ABCC4: variants seen among roughly 807,000 people sequenced by gnomAD.
ABCC4 encodes ATP-binding cassette sub-family C member 4.
In ABCC4, 102 loss-of-function variants were observed where a neutral mutation model predicts 168.5. The ratio of observed to expected loss-of-function variants is 0.61; its 90% CI spans 0.52 to 0.71. The LOEUF (loss-of-function observed/expected upper bound fraction) is 0.71. Ranked by LOEUF, ABCC4 falls within the 30% of genes least tolerant of loss-of-function variation. ABCC4 has a pLI of 0.00. For synonymous variants in ABCC4, 617 were observed against 590.7 expected, an observed-to-expected ratio of 1.04 and a Z score of -0.65; for missense variants, 1,402 against 1,605.8, an observed-to-expected ratio of 0.87 and a Z score of 2.17.
chr13:95,202,407 C>T (rs61965926), intron 8 of ABCC4, among the ~76,000 whole-genome samples: 22,480 of 152,186 alleles, frequency 0.15, 2,232 homozygotes, highest in Non-Finnish European at 0.22. Context: ...CTAATACAGA[C>T]GGTTTTCTAA....
rs554477413 is a variant in ABCC4, at chr13:95,157,818, C to T, written c.2455+3371G>A. 2.9e-3 allele frequency among the ~76,000 whole-genome samples: 435 copies of T among 152,162 alleles called. 1 individual carries two copies. The highest frequency in any genetic ancestry group is 0.01 in the Middle Eastern group (3 of 294). On this transcript the variant is annotated intron_variant, in intron 19 of 30. Coordinates refer to ENST00000645237, the MANE Select transcript of ABCC4 (RefSeq NM_005845.5). The stretch of plus-strand genomic sequence containing the variant: ...GGGCGCGGTGGCTCACGCCTGTAAT[C>T]CCCACCACTTTGGGAGGTGGAAGCG...
At chr13:95,208,340 A>C (rs2038844078) in intron 6 of ABCC4, among the ~76,000 whole-genome samples, 1 of 114,580 alleles carries the variant, frequency 8.7e-6, no homozygotes, top group African/African-American at 3.7e-5. Context: ...GAGAGCAAAA[A>C]AAAAAAAAAA....
intron 3 of ABCC4, among the ~76,000 whole-genome samples, chr13:95,238,156 T>C (rs1296535819): frequency 7.7e-6 from 1 of 129,402 alleles, no homozygotes; most frequent in Non-Finnish European, 1.5e-5. Context: ...ATCGCGCCAC[T>C]GCACTCCAGC....
At chr13:95,120,833 T>C (rs891114667) in intron 19 of ABCC4, among the ~76,000 whole-genome samples, 1 of 152,168 alleles carries the variant, frequency 6.6e-6, no homozygotes, top group Admixed American at 6.5e-5. Flanking sequence ...TGGTGCCACA[T>C]GGCGGGGCAC....
At chr13:95,264,643 CT>C (rs1418288453) in intron 1 of ABCC4, among the ~76,000 whole-genome samples, 1 of 152,104 alleles carries the variant, frequency 6.6e-6, no homozygotes, top group African/African-American at 2.4e-5. Context: ...CAATAAAAGA[CT>C]GCAGAAGTGT....
rs1483632773 is a variant in ABCC4 at position 95,206,751 on chromosome 13, G to A, written c.942C>T (p.Ser314=). 6.2e-7 allele frequency: 1 copy of A among 1,614,042 alleles called. No individual in the cohort carries two copies. The highest frequency in any genetic ancestry group is 8.5e-7 in the Non-Finnish European group (1 of 1,179,960). Residue 314 remains serine (S), a synonymous_variant, in exon 8 of 31, where the codon TCC becomes TCT. Coordinates refer to ENST00000645237, the MANE Select transcript of ABCC4 (RefSeq NM_005845.5). ...AAGCCAAATTCATCCCTCTGAGGCA[G>A]GAACTTCTCAGAATCTTGGAAATCT... The part of the protein sequence containing the change: ...KKEISKILRS[S]CLRGMNLASF...
At chr13:95,215,938 A>C (rs1226991474) in intron 4 of ABCC4, among the ~76,000 whole-genome samples, 1 of 150,416 alleles carries the variant, frequency 6.6e-6, no homozygotes, top group Non-Finnish European at 1.5e-5. Flanking sequence ...ACAACAACAA[A>C]ACACTGCTCA....
intron 19 of ABCC4, among the ~76,000 whole-genome samples, chr13:95,155,077 TGTA>T (rs1167012904): frequency 6.6e-6 from 1 of 152,212 alleles, no homozygotes. Context: ...TTTAGCAACT[TGTA>T]GTGGATTCCA....
intron 1 of ABCC4, among the ~76,000 whole-genome samples, chr13:95,265,064 T>C (rs1233632655): frequency 6.6e-6 from 1 of 152,090 alleles, no homozygotes; most frequent in Non-Finnish European, 1.5e-5. Context: ...AGATGGGGTT[T>C]TGCCATGTTG....
At chr13:95,104,070 C>T (rs1484762837) in intron 20 of ABCC4, among the ~76,000 whole-genome samples, 1 of 152,178 alleles carries the variant, frequency 6.6e-6, no homozygotes, top group East Asian at 1.9e-4. Flanking sequence ...ATAAGGGATA[C>T]ACAATACAAA....
intron 19 of ABCC4, among the ~76,000 whole-genome samples, chr13:95,137,692 T>A (rs2036185527): frequency 6.6e-6 from 1 of 152,180 alleles, no homozygotes; most frequent in African/African-American, 2.4e-5. Context: ...TTGCACGGGT[T>A]CTTCAGGCCC....
chr13:95,154,262 C>G (rs1267253008), intron 19 of ABCC4, among the ~76,000 whole-genome samples: 3 of 152,122 alleles, frequency 2.0e-5, no homozygotes, highest in Non-Finnish European at 4.4e-5. Flanking sequence ...CAAAAAGCCT[C>G]TTAAACTAAC....
In ABCC4 at chr13:95,207,885, T is replaced by C. The variant is rs2038826876; in HGVS notation, c.826A>G (p.Met276Val). The C allele has an allele frequency of 1.2e-6, 2 of 1,613,964 alleles. No individual in the cohort carries two copies. Among genetic ancestry groups the C allele is most frequent in the African/African-American group, 1.3e-5 (1 of 75,032 alleles). ...CTTATACCAGTTATAACTTCATTCA[T>C]GGTCCTGATCCTGGCATCCGTGAAA... is the stretch of plus-strand genomic sequence containing the variant. ...ATFTDARIRTMNEVITGIRII... is the reference protein window; with the variant it reads ...ATFTDARIRTVNEVITGIRII... The change falls in exon 7 of 31, where the codon ATG (methionine) becomes GTG (valine). Residue 276 changes from methionine (M) to valine (V), a missense_variant. This residue lies in a region of ABCC4 where 317 missense variants were observed against 345.5 expected (regional missense o/e 0.92). Transcript: ENST00000645237.
intron 20 of ABCC4, among the ~76,000 whole-genome samples, chr13:95,090,926 T>TA (rs1008586436): frequency 6.6e-6 from 1 of 151,580 alleles, no homozygotes; most frequent in South Asian, 2.1e-4. Flanking sequence ...ACAGATAGCT[T>TA]AAAAAAAATC....
intron 27 of ABCC4, 103 bp downstream of exon 27, chr13:95,052,988 AAGTT>A (rs2032902900): frequency 2.1e-6 from 2 of 937,126 alleles, no homozygotes; most frequent in Admixed American, 3.7e-5. Flanking sequence ...GTGGTGAACA[AAGTT>A]AGTTAAACCG....
At chr13:95,136,559 A>G (rs1240260418) in intron 19 of ABCC4, among the ~76,000 whole-genome samples, 1 of 152,228 alleles carries the variant, frequency 6.6e-6, no homozygotes, top group Non-Finnish European at 1.5e-5. Flanking sequence ...TAGTGACAGG[A>G]GCCTAAGTTA....
At position 95,207,835 on chromosome 13, in the gene ABCC4, T is replaced by C. The variant is rs959228616; in HGVS notation, c.876A>G (p.Glu292=). ...TGGTAATAAGATTTGAAAATGACTT[T>C]TCCCAGGCGTACATTTTTATTATCC... The part of the protein sequence containing the change: ...GIRIIKMYAW[E]KSFSNLITNL... Residue 292 remains glutamate, a synonymous_variant, in exon 7 of 31, where the codon GAA becomes GAG. Transcript: ENST00000645237. The C allele has an allele frequency of 1.2e-6, 2 of 1,613,428 alleles. No homozygotes were observed.
chr13:95,071,837 C>T lies in ABCC4; in HGVS notation c.3035G>A (p.Arg1012Lys). 1 of 1,561,648 alleles carries T rather than the reference C, an allele frequency of 6.4e-7. No individual in the cohort carries two copies. Among genetic ancestry groups the T allele is most frequent in the Non-Finnish European group, 8.6e-7 (1 of 1,158,764 alleles). ...EVENMMISVE[R>K]VIEYTDLEKE... ...TTCAAGGTCTGTGTATTCAATGACCCTTTCTACTGAGATCATCTGAAAGAA... is the reference window on the plus strand; with the variant it reads ...TTCAAGGTCTGTGTATTCAATGACCTTTTCTACTGAGATCATCTGAAAGAA... The change falls in exon 25 of 31, where the codon AGG becomes AAG. Residue 1012 changes from arginine to lysine, a missense_variant. Arg to Lys is a conservative substitution (Grantham distance 26). Around this residue, in one of 3 missense-constraint regions of ABCC4, gnomAD observed 1,007 missense variants for 1,127.3 expected, o/e 0.89. Transcript: ENST00000645237.
Position 95,021,227 on chromosome 13 carries a change from G to C in ABCC4, c.*348C>G. 1 of 184,052 alleles carries C rather than the reference G, an allele frequency of 5.4e-6. No homozygotes were observed. The allele number at this position is 184,052 out of a possible 1,614,324, so 11.4% of individuals were successfully genotyped here. ...AAATGGAAATTAACATGTAATTTTG[G>C]GGGCAATAAAAACAACAACAAAAAC... On this transcript the variant is annotated 3_prime_UTR_variant, in exon 31 of 31. Coordinates refer to ENST00000645237, the MANE Select transcript of ABCC4 (RefSeq NM_005845.5).
Sources: gnomAD v4.1 joint callset for allele counts (sites outside exome capture counted in the v4.1 genomes callset) on GRCh38, gnomAD v4.1.1 for gene constraint, gnomAD v4.1.1 regional missense constraint, MANE v1.5 for transcripts, NCBI Gene and HGNC (gene_info 2026-07-23, HGNC 2026-07-21) for gene names.